ACOT11: variants seen among roughly 807,000 people sequenced by gnomAD.
ACOT11 encodes the protein acyl-CoA thioesterase 11.
ACOT11 carries 69 observed loss-of-function variants against 77.5 expected under a neutral mutation model. That is an observed-to-expected ratio of 0.89 (90% CI 0.73 to 1.09). ACOT11 has a LOEUF of 1.09. Ranked by LOEUF, ACOT11 falls within the 50% of genes least tolerant of loss-of-function variation. The pLI is 0.00. For synonymous variants in ACOT11, 279 were observed against 313.0 expected, an observed-to-expected ratio of 0.89 and a Z score of 1.15; for missense variants, 766 against 813.7, an observed-to-expected ratio of 0.94 and a Z score of 0.71.
chr1:54,586,260 C>T (rs1654496517), intron 3 of ACOT11, among the ~76,000 whole-genome samples: 1 of 151,806 alleles, frequency 6.6e-6, no homozygotes, highest in Admixed American at 6.6e-5. Context: ...CATTGAGTGC[C>T]TTTTTGAGCT....
In ACOT11 at chr1:54,550,267, C is replaced by A. The variant is rs80146532; in HGVS notation, c.33+1925C>A. On this transcript the variant is annotated intron_variant, in intron 1 of 15. Transcript: ENST00000343744. The stretch of plus-strand genomic sequence containing the variant: ...GCCCAGCTGGCATTCAGCTTCCTTG[C>A]ACTACCTTTGTTGAGTCTGGGGGTG... Among the ~76,000 whole-genome samples the A allele has an allele frequency of 4.0e-3, 613 of 152,302 alleles. 7 individuals carry two copies. The highest frequency in any genetic ancestry group is 0.014 in the African/African-American group (583 of 41,566).
intron 3 of ACOT11, among the ~76,000 whole-genome samples, chr1:54,591,836 A>G (rs1266426027): frequency 6.6e-6 from 1 of 152,180 alleles, no homozygotes; most frequent in Non-Finnish European, 1.5e-5. Context: ...TGGGCAAATG[A>G]CTTAACCTCT....
At chr1:54,576,955 AACTC>A (rs1368292644) in intron 1 of ACOT11, among the ~76,000 whole-genome samples, 4 of 152,104 alleles carry the variant, frequency 2.6e-5, no homozygotes, top group African/African-American at 9.7e-5. Context: ...CTAATAATAA[AACTC>A]ACCTTTTTAT....
At chr1:54,625,202 GGA>G (rs1453711569) in intron 15 of ACOT11, among the ~76,000 whole-genome samples, 1 of 82,104 alleles carries the variant, frequency 1.2e-5, no homozygotes, top group South Asian at 3.8e-4. Flanking sequence ...TGGAACCTCT[GGA>G]GAGAGGGAGA....
intron 5 of ACOT11, 139 bp from the exon 6 acceptor site, chr1:54,594,417 G>A: frequency 8.6e-7 from 1 of 1,162,664 alleles, no homozygotes; most frequent in Non-Finnish European, 1.2e-6. Context: ...GGGCAAAGAG[G>A]GAGGAAGCCT....
intron 15 of ACOT11, among the ~76,000 whole-genome samples, chr1:54,616,794 A>G (rs1644178122): frequency 1.3e-5 from 2 of 152,204 alleles, no homozygotes; most frequent in African/African-American, 2.4e-5. Flanking sequence ...ACAAGGCAAA[A>G]AAGCAAAAAG....
At position 54,610,082 on chromosome 1, in the gene ACOT11, T is replaced by C. The variant is rs1482045012; in HGVS notation, c.*970T>C. On this transcript the variant is annotated 3_prime_UTR_variant, in exon 16 of 16. Coordinates refer to ENST00000343744, the MANE Select transcript of ACOT11 (RefSeq NM_147161.4). ...GGAATCTGTCAACCCAGTTTTGGGC[T>C]CCAGGTGGATGGGTTGCTTTATAAA... 2.1e-6 allele frequency: 3 copies of C among 1,436,002 alleles called. No homozygotes were observed. The highest frequency in any genetic ancestry group is 2.7e-6 in the Non-Finnish European group (3 of 1,100,226). 89.0% of individuals were successfully genotyped at this position (1,436,002 alleles called of 1,614,324 possible).
intron 8 of ACOT11, 132 bp downstream of exon 8, chr1:54,599,547 G>C: frequency 9.4e-7 from 1 of 1,060,812 alleles, no homozygotes; most frequent in Non-Finnish European, 1.2e-6. Flanking sequence ...CTGCCTGGCT[G>C]ATGGGTTCCT....
downstream of ACOT11, among the ~76,000 whole-genome samples, chr1:54,611,208 C>T (rs189129031): frequency 1.6e-4 from 25 of 152,132 alleles, 1 homozygote; most frequent in African/African-American, 5.5e-4. Context: ...CCAAGGCGGG[C>T]GGATCACTTG....
chr1:54,572,795 T>G (rs1653969353), intron 1 of ACOT11, among the ~76,000 whole-genome samples: 1 of 151,986 alleles, frequency 6.6e-6, no homozygotes, highest in African/African-American at 2.4e-5. Flanking sequence ...TGGAAGGGAG[T>G]GAGCCCTCTG....
chr1:54,628,490 A>G lies in ACOT11; in HGVS notation c.1630-2244A>G, dbSNP rs1040094335. 1.5e-5 allele frequency: 2 copies of G among 131,104 alleles called. 1 individual carries two copies. Among genetic ancestry groups the G allele is most frequent in the Admixed American group, 1.6e-4 (2 of 12,654 alleles). 8.1% of individuals were successfully genotyped at this position (131,104 alleles called of 1,614,324 possible). A position where few individuals can be genotyped will look rare whatever the true frequency, so the allele number is the denominator to read the frequency against. ...CTCATCTCTACAAAATAAAAAAATAAATTAGCGAGACATGGTGGTGCATGC... is the reference window on the plus strand; with the variant it reads ...CTCATCTCTACAAAATAAAAAAATAGATTAGCGAGACATGGTGGTGCATGC... On this transcript the variant is annotated intron_variant, in intron 15 of 16. Coordinates refer to the ACOT11 transcript ENST00000371316.
At chr1:54,587,151 G>C (rs1654530627) in intron 3 of ACOT11, among the ~76,000 whole-genome samples, 1 of 152,100 alleles carries the variant, frequency 6.6e-6, no homozygotes, top group African/African-American at 2.4e-5. Flanking sequence ...CCTCTTCCGC[G>C]GACCTCCCAG....
At chr1:54,589,534 C>T (rs1654630725) in intron 3 of ACOT11, among the ~76,000 whole-genome samples, 1 of 152,016 alleles carries the variant, frequency 6.6e-6, no homozygotes, top group South Asian at 2.1e-4. Flanking sequence ...GCAGTGGCAC[C>T]ATCATAGCTC....
chr1:54,598,971 C>G (rs550312135), intron 7 of ACOT11: 1 of 148,816 alleles, frequency 6.7e-6, no homozygotes, highest in East Asian at 2.0e-4. Flanking sequence ...ATGGTGAAAC[C>G]CTGTCTCTAC....
At chr1:54,568,254 C>T (rs928132945) in intron 1 of ACOT11, among the ~76,000 whole-genome samples, 1 of 152,076 alleles carries the variant, frequency 6.6e-6, no homozygotes, top group African/African-American at 2.4e-5. Flanking sequence ...CTGTTACATC[C>T]CGTTTTTTCT....
At chr1:54,616,211 A>T (rs199663449) in intron 15 of ACOT11, 18 of 1,551,476 alleles carry the variant, frequency 1.2e-5, no homozygotes, top group Admixed American at 1.0e-4. Context: ...TCCTTTTTTT[A>T]AAAAAAGAAA....
At chr1:54,611,121 A>G (rs1437986097), downstream of ACOT11, 1 of 722,040 alleles carries the variant, frequency 1.4e-6, no homozygotes, top group African/African-American at 1.9e-5. Flanking sequence ...ATAAAATGGA[A>G]TCCCTCAGTT....
Position 54,607,041 on chromosome 1 carries a change from C to A in ACOT11, c.1371-93C>A. On this transcript the variant is annotated intron_variant, in intron 13 of 15. Coordinates refer to ENST00000343744, the MANE Select transcript of ACOT11 (RefSeq NM_147161.4). This position sits in a 1 kb window ranked among gnomAD's most constrained non-coding sequence, Gnocchi z 4.5. ...GTGACATCCCATCACAGAAGCTGCT[C>A]AGGCACTGCAGTGTGGCAGGGCCCG... 1 of 1,544,284 alleles carries A rather than the reference C, an allele frequency of 6.5e-7. No individual in the cohort carries two copies. Among genetic ancestry groups the A allele is most frequent in the Admixed American group, 1.8e-5 (1 of 55,782 alleles).
chr1:54,580,155 A>G (rs1654252745), intron 1 of ACOT11, among the ~76,000 whole-genome samples: 1 of 152,130 alleles, frequency 6.6e-6, no homozygotes, highest in Admixed American at 6.5e-5. Flanking sequence ...CAGCTTGCTC[A>G]AGGTTATCAA....
Sources: gnomAD v4.1 joint callset for allele counts (sites outside exome capture counted in the v4.1 genomes callset) on GRCh38, gnomAD v4.1.1 for gene constraint, Gnocchi (gnomAD v3.1) non-coding constraint, MANE v1.5 for transcripts, NCBI Gene and HGNC (gene_info 2026-07-23, HGNC 2026-07-21) for gene names.